C3orf33: variants seen among roughly 807,000 people sequenced by gnomAD.
C3orf33 encodes the protein AP-1 activity suppressor.
In C3orf33, 23 loss-of-function variants were observed where a neutral mutation model predicts 28.7. That is an observed-to-expected ratio of 0.80 (90% confidence interval 0.58 to 1.13). The LOEUF (loss-of-function observed/expected upper bound fraction) is 1.13. Ranked by LOEUF, C3orf33 falls within the 50% of genes most tolerant of loss-of-function variation. The pLI is 0.00. For synonymous variants in C3orf33, 119 were observed against 120.5 expected, an observed-to-expected ratio of 0.99 and a Z score of 0.08; for missense variants, 327 against 353.4, an observed-to-expected ratio of 0.93 and a Z score of 0.60.
At chr3:155,792,035 T>C (rs1270377853) in intron 2 of C3orf33, among the ~76,000 whole-genome samples, 2 of 152,040 alleles carry the variant, frequency 1.3e-5, no homozygotes, top group African/African-American at 4.8e-5. Flanking sequence ...GACGCAGTGC[T>C]GTGTTGGCTT....
At chr3:155,797,134 G>C (rs73159026) in intron 2 of C3orf33, among the ~76,000 whole-genome samples, 1 of 151,996 alleles carries the variant, frequency 6.6e-6, no homozygotes, top group Admixed American at 6.6e-5. Context: ...TGCAGTAGCC[G>C]GGGTCACACC....
intron 2 of C3orf33, 45 bp from the exon 3 acceptor site, chr3:155,775,893 T>C: frequency 7.2e-7 from 1 of 1,380,196 alleles, no homozygotes; most frequent in Non-Finnish European, 1.0e-6. Flanking sequence ...ATTATTATTG[T>C]CATCTCAAAA....
chr3:155,797,908 T>A (rs978535252), intron 2 of C3orf33, among the ~76,000 whole-genome samples: 6 of 151,764 alleles, frequency 4.0e-5, no homozygotes, highest in African/African-American at 1.5e-4. Context: ...CTGTCTCTAC[T>A]AAAAATACAA....
intron 2 of C3orf33, among the ~76,000 whole-genome samples, chr3:155,796,654 C>T (rs1751483134): frequency 6.6e-6 from 1 of 152,148 alleles, no homozygotes; most frequent in Non-Finnish European, 1.5e-5. Context: ...AGAGGGAATA[C>T]TTCCAAACTC....
intron 2 of C3orf33, among the ~76,000 whole-genome samples, chr3:155,794,214 C>G (rs534139764): frequency 1.3e-3 from 194 of 152,180 alleles, no homozygotes; most frequent in African/African-American, 4.5e-3. Flanking sequence ...CTCCTGACCT[C>G]AGGTGATCCA....
chr3:155,772,048 A>T (rs1051037418), intron 3 of C3orf33, among the ~76,000 whole-genome samples: 6 of 152,146 alleles, frequency 3.9e-5, no homozygotes, highest in Admixed American at 2.6e-4. Context: ...TACAAAAAAA[A>T]CTTAAAAATT....
chr3:155,794,348 G>T (rs909335519), intron 2 of C3orf33, among the ~76,000 whole-genome samples: 2 of 151,998 alleles, frequency 1.3e-5, no homozygotes, highest in African/African-American at 4.8e-5. Flanking sequence ...ATATTTGCAA[G>T]CCTCATGGTA....
At chr3:155,765,633 C>T (rs568198718) in intron 4 of C3orf33, among the ~76,000 whole-genome samples, 3 of 152,202 alleles carry the variant, frequency 2.0e-5, no homozygotes, top group South Asian at 2.1e-4. Context: ...CTGTAACCTC[C>T]GCCTCCAGGG....
At chr3:155,800,430 G>A (rs528283921) in intron 2 of C3orf33, among the ~76,000 whole-genome samples, 12 of 151,336 alleles carry the variant, frequency 7.9e-5, no homozygotes, top group South Asian at 4.2e-4. Flanking sequence ...ACAAAGAGGC[G>A]CCATTGCTAC....
At chr3:155,806,002 T>C in intron 1 of C3orf33, 137 bp downstream of exon 1, 1 of 575,184 alleles carries the variant, frequency 1.7e-6, no homozygotes, top group Non-Finnish European at 2.8e-6. Flanking sequence ...GATGTCGCCC[T>C]CTCGAGCTCA....
chr3:155,789,647 T>C (rs1043183659), intron 2 of C3orf33, among the ~76,000 whole-genome samples: 1 of 151,866 alleles, frequency 6.6e-6, no homozygotes, highest in Non-Finnish European at 1.5e-5. Flanking sequence ...TCACAAGGGA[T>C]CTCAAATACC....
At chr3:155,796,754 T>C (rs181248076) in intron 2 of C3orf33, among the ~76,000 whole-genome samples, 16 of 152,282 alleles carry the variant, frequency 1.1e-4, no homozygotes, top group Admixed American at 9.2e-4. Context: ...TGATGAACAT[T>C]AATGCAAAAA....
intron 2 of C3orf33, among the ~76,000 whole-genome samples, chr3:155,778,341 T>C (rs934713887): frequency 1.3e-4 from 20 of 152,198 alleles, no homozygotes. Flanking sequence ...GTTAAATTTA[T>C]TAGATGTGCT....
rs1475702566 is a variant in C3orf33 at position 155,769,504 on chromosome 3, GA to G, written c.323-1836del. ...CTGTTTCAAAAAAAAAAAAAAAAAA[GA>G]AGAAGAAGAAAAAGGTATTTGTAGA... On this transcript the variant is annotated intron_variant, in intron 3 of 4. Transcript: ENST00000340171. Among the ~76,000 whole-genome samples the G allele has an allele frequency of 5.7e-5, 8 of 140,052 alleles. No individual in the cohort carries two copies. In the East Asian group the frequency reaches 1.4e-3, roughly 24 times the overall value. 91.9% of individuals were successfully genotyped at this position (140,052 alleles called of 152,430 possible).
At chr3:155,798,015 G>A (rs1362845304) in intron 2 of C3orf33, among the ~76,000 whole-genome samples, 1 of 150,790 alleles carries the variant, frequency 6.6e-6, no homozygotes, top group East Asian at 2.0e-4. Context: ...AGGTTTCAGT[G>A]AGCCAAGATT....
At chr3:155,789,627 T>G (rs947244253) in intron 2 of C3orf33, among the ~76,000 whole-genome samples, 10 of 152,028 alleles carry the variant, frequency 6.6e-5, no homozygotes, top group African/African-American at 2.4e-4. Flanking sequence ...ATCCTCAAAT[T>G]CATGTGGAAT....
At chr3:155,773,453 T>C (rs1750650049) in intron 3 of C3orf33, among the ~76,000 whole-genome samples, 1 of 152,232 alleles carries the variant, frequency 6.6e-6, no homozygotes, top group African/African-American at 2.4e-5. Flanking sequence ...ATGGAAAATC[T>C]GTTTTCTAGC....
intron 1 of C3orf33, among the ~76,000 whole-genome samples, chr3:155,804,800 T>C (rs1328836584): frequency 6.6e-6 from 1 of 152,220 alleles, no homozygotes; most frequent in African/African-American, 2.4e-5. Context: ...TTAAGGTTTA[T>C]GCAGGTCATT....
chr3:155,794,272 C>T (rs1228431980), intron 2 of C3orf33, among the ~76,000 whole-genome samples: 1 of 152,166 alleles, frequency 6.6e-6, no homozygotes. Flanking sequence ...TGAGCCACTG[C>T]ACCCGGCCTA....
Sources: allele counts gnomAD v4.1 joint callset (sites outside exome capture counted in the v4.1 genomes callset), GRCh38; gene constraint gnomAD v4.1.1; transcripts MANE v1.5; gene names NCBI Gene and HGNC (gene_info 2026-07-23, HGNC 2026-07-21).